SAP130: variants seen among roughly 807,000 people sequenced by gnomAD.
SAP130 encodes histone deacetylase complex subunit SAP130.
Under a neutral mutation model 103.2 loss-of-function variants are expected in SAP130, and 16 were observed. That is an observed-to-expected ratio of 0.16 (90% CI 0.10 to 0.24). The LOEUF is 0.24. Ranked by LOEUF, SAP130 falls within the 10% of genes least tolerant of loss-of-function variation. The pLI, the probability that SAP130 is intolerant of heterozygous loss-of-function variation, is 1.00. For missense variants in SAP130, 990 were observed against 1,359.7 expected (o/e 0.73, Z 4.28); for synonymous variants, 477 against 497.0 (o/e 0.96, Z 0.53).
chr2:128,010,210 A>G, intron 7 of SAP130, 59 bp downstream of exon 7: 1 of 1,551,156 alleles, frequency 6.4e-7, no homozygotes, highest in South Asian at 1.2e-5. Context: ...GAACGAAAGA[A>G]AAAAGAGTGA....
At chr2:128,026,321 G>T in intron 1 of SAP130, 23 bp from the exon 2 acceptor site, 1 of 1,476,700 alleles carries the variant, frequency 6.8e-7, no homozygotes, top group Non-Finnish European at 9.5e-7. Context: ...CAGTTATATG[G>T]TTATTACTAG....
At chr2:127,994,008 C>T (rs1400637861) in intron 11 of SAP130, among the ~76,000 whole-genome samples, 1 of 152,084 alleles carries the variant, frequency 6.6e-6, no homozygotes, top group East Asian at 1.9e-4. Context: ...ACAAATCTAA[C>T]TCACTACAAC....
At chr2:128,022,872 C>T (rs563967309) in intron 2 of SAP130, among the ~76,000 whole-genome samples, 79 of 152,242 alleles carry the variant, frequency 5.2e-4, no homozygotes, top group Admixed American at 1.3e-3. Context: ...CTCCGTCACC[C>T]AGGCTGGGGT....
At chr2:127,975,165 T>G (rs533962874) in intron 15 of SAP130, among the ~76,000 whole-genome samples, 1 of 152,322 alleles carries the variant, frequency 6.6e-6, no homozygotes, top group Non-Finnish European at 1.5e-5. Flanking sequence ...GATCAATCAC[T>G]GACCATAAAC....
At position 128,000,464 on chromosome 2, in the gene SAP130, T is replaced by C. The variant is rs1361513259; in HGVS notation, c.870-10A>G. The C allele has an allele frequency of 6.2e-7, 1 of 1,614,060 alleles. No homozygotes were observed. The highest frequency in any genetic ancestry group is 1.7e-5 in the Admixed American group (1 of 59,998). ...AGACAAGGTTGGCCTACTGAAAAGA[T>C]AACAAAGACACAATGCAGATGGGCA... On this transcript the variant is annotated splice_polypyrimidine_tract_variant and intron_variant, in intron 7 of 20. Coordinates refer to ENST00000643581, the MANE Select transcript of SAP130 (RefSeq NM_001330301.2).
intron 4 of SAP130, 137 bp downstream of exon 4, chr2:128,016,252 T>C: frequency 1.2e-6 from 1 of 849,698 alleles, no homozygotes; most frequent in Non-Finnish European, 1.8e-6. Context: ...TCAAACCTAC[T>C]ATCTTCACTT....
chr2:128,013,246 A>G (rs950476296), intron 5 of SAP130, 92 bp from the exon 6 acceptor site: 1 of 1,244,214 alleles, frequency 8.0e-7, no homozygotes, highest in African/African-American at 1.5e-5. Flanking sequence ...TAGCATGTCA[A>G]TATCGAGCTG....
intron 15 of SAP130, among the ~76,000 whole-genome samples, chr2:127,967,318 G>T (rs1680724996): frequency 6.6e-6 from 1 of 152,184 alleles, no homozygotes; most frequent in Admixed American, 6.5e-5. Context: ...GCACATCAAA[G>T]AATAGTGCCC....
At chr2:127,945,793 C>T (rs545199191) in intron 18 of SAP130, among the ~76,000 whole-genome samples, 1 of 152,140 alleles carries the variant, frequency 6.6e-6, no homozygotes, top group Non-Finnish European at 1.5e-5. Context: ...GCTGGGACTA[C>T]AGGTGTGCGC....
At chr2:128,000,617 G>A in intron 7 of SAP130, among the ~76,000 whole-genome samples, 163 bp from the exon 8 acceptor site, 1 of 152,176 alleles carries the variant, frequency 6.6e-6, no homozygotes, top group South Asian at 2.1e-4. Flanking sequence ...CACTGAGTTT[G>A]TCTTGTTTTA....
At chr2:127,997,414 A>G (rs1465217088) in intron 10 of SAP130, among the ~76,000 whole-genome samples, 1 of 152,254 alleles carries the variant, frequency 6.6e-6, no homozygotes, top group Non-Finnish European at 1.5e-5. Flanking sequence ...CAAAGAGACT[A>G]GACTAGGAGG....
At chr2:127,999,436 T>C (rs1039789498) in intron 10 of SAP130, among the ~76,000 whole-genome samples, 11 of 151,916 alleles carry the variant, frequency 7.2e-5, no homozygotes, top group African/African-American at 2.7e-4. Flanking sequence ...ACCCCATCTC[T>C]ACTAAAAATA....
At chr2:128,019,841 T>G (rs1174184233) in intron 2 of SAP130, among the ~76,000 whole-genome samples, 1 of 151,334 alleles carries the variant, frequency 6.6e-6, no homozygotes, top group East Asian at 2.0e-4. Flanking sequence ...ATCCTGCCAC[T>G]GCACTCCAGC....
chr2:127,981,675 C>T (rs1573731334), intron 14 of SAP130, among the ~76,000 whole-genome samples: 1 of 103,164 alleles, frequency 9.7e-6, no homozygotes, highest in Non-Finnish European at 1.9e-5. Context: ...CCCAGTCCTC[C>T]TGCACCCCCG....
chr2:128,013,805 C>T (rs1004593733), intron 5 of SAP130, among the ~76,000 whole-genome samples: 3 of 152,168 alleles, frequency 2.0e-5, no homozygotes, highest in Non-Finnish European at 4.4e-5. Context: ...TGGCTCACAC[C>T]TGTAGTCCCA....
rs1455013059 is a variant in SAP130 at position 127,983,820 on chromosome 2, G to GTTTTTTTTTTTTTTTTTTTTTTT, written c.1958+2964_1958+2965insAAAAAAAAAAAAAAAAAAAAAAA. On this transcript the variant is annotated intron_variant, in intron 14 of 20. Transcript: ENST00000643581. ...AGTTTTGGTAATTTTCTATTACTTT[G>GTTTTTTTTTTTTTTTTTTTTTTT]TTGTTTTTTTTTTTTTTTTTTTTTT... Among the ~76,000 whole-genome samples, 2 of 112,354 alleles carry GTTTTTTTTTTTTTTTTTTTTTTT rather than the reference G, an allele frequency of 1.8e-5. 1 individual carries two copies. Among genetic ancestry groups the GTTTTTTTTTTTTTTTTTTTTTTT allele is most frequent in the Non-Finnish European group, 3.3e-5 (2 of 59,964 alleles). 73.7% of individuals were successfully genotyped at this position (112,354 alleles called of 152,430 possible).
chr2:127,999,993 A>T, intron 9 of SAP130, 63 bp downstream of exon 9: 3 of 1,533,828 alleles, frequency 2.0e-6, no homozygotes, highest in Non-Finnish European at 1.8e-6. Flanking sequence ...GAAATGAAAA[A>T]TTAACCCATC....
intron 1 of SAP130, chr2:128,027,220 G>T: frequency 8.4e-7 from 1 of 1,192,224 alleles, no homozygotes; most frequent in South Asian, 4.1e-5. Flanking sequence ...GGCGGCGCCC[G>T]GGGCCCGCTG....
intron 12 of SAP130, 63 bp downstream of exon 12, chr2:127,993,124 T>G (rs1180784288): frequency 5.7e-6 from 9 of 1,583,668 alleles, no homozygotes; most frequent in Non-Finnish European, 7.8e-6. Flanking sequence ...CCCTCATCAA[T>G]TTCTACATTA....
Sources: gnomAD v4.1 joint callset for allele counts (sites outside exome capture counted in the v4.1 genomes callset) on GRCh38, gnomAD v4.1.1 for gene constraint, MANE v1.5 for transcripts, NCBI Gene and HGNC (gene_info 2026-07-23, HGNC 2026-07-21) for gene names.